The following FAM20C variants were observed in gnomAD, a reference collection of about 807,000 sequenced individuals.
FAM20C encodes the protein extracellular serine/threonine protein kinase FAM20C.
Under a neutral mutation model 51.5 loss-of-function variants are expected in FAM20C, and 40 were observed. That is an observed-to-expected ratio of 0.78 (90% CI 0.60 to 1.01). The LOEUF is 1.01. FAM20C is among the 50% of genes least tolerant of loss of function. The pLI is 0.00. For missense variants in FAM20C, 861 were observed against 844.7 expected (o/e 1.02, Z -0.24); for synonymous variants, 406 against 380.6 (o/e 1.07, Z -0.78).
chr7:246,738 C>T (rs776570018), intron 4 of FAM20C, among the ~76,000 whole-genome samples: 1 of 151,568 alleles, frequency 6.6e-6, no homozygotes, highest in South Asian at 2.1e-4. Context: ...CCCCCCACCC[C>T]GAGTGCTGCC....
At chr7:202,885 T>A (rs1032573091) in intron 2 of FAM20C, among the ~76,000 whole-genome samples, 7 of 152,222 alleles carry the variant, frequency 4.6e-5, no homozygotes, top group Middle Eastern at 3.2e-3. Context: ...ACGGGACCTG[T>A]TTCCAGAAGA....
chr7:201,926 G>A (rs191995917), intron 2 of FAM20C, among the ~76,000 whole-genome samples: 2 of 152,348 alleles, frequency 1.3e-5, no homozygotes, highest in Admixed American at 1.3e-4. Flanking sequence ...TGTAACTAGT[G>A]CACGTTAATC....
intron 3 of FAM20C, among the ~76,000 whole-genome samples, chr7:242,509 C>G (rs1224413825): frequency 6.6e-6 from 1 of 151,474 alleles, no homozygotes; most frequent in Non-Finnish European, 1.5e-5. Flanking sequence ...CAGCACTGTT[C>G]GGTGCACTGG....
At chr7:218,923 C>T (rs1349190722) in intron 3 of FAM20C, among the ~76,000 whole-genome samples, 1 of 151,976 alleles carries the variant, frequency 6.6e-6, no homozygotes, top group Non-Finnish European at 1.5e-5. Context: ...CACTCCCGTC[C>T]GGCCGGGAGC....
rs771341264 is a variant in FAM20C at position 243,944 on chromosome 7, A to AATAATAATT, written c.864-2469_864-2468insAATAATTAT. On this transcript the variant is annotated intron_variant, in intron 3 of 9. Transcript: ENST00000313766. ...AAATAATAATAATAATAATAATAATAATTATTATTATTATTATTTGGAGAC... is the reference window on the plus strand; with the variant it reads ...AAATAATAATAATAATAATAATAATAATAATAATTATTATTATTATTATTATTTGGAGAC... 2.0e-3 allele frequency among the ~76,000 whole-genome samples: 272 copies of AATAATAATT among 136,832 alleles called. 1 individual carries two copies. The highest frequency in any genetic ancestry group is 0.014 in the Middle Eastern group (4 of 276). 89.8% of individuals were successfully genotyped at this position (136,832 alleles called of 152,430 possible).
intron 3 of FAM20C, among the ~76,000 whole-genome samples, chr7:227,123 A>T (rs1787477821): frequency 6.7e-6 from 1 of 149,370 alleles, no homozygotes; most frequent in Non-Finnish European, 1.5e-5. Context: ...AAGGAAAGTC[A>T]TTTTTTTTTT....
intron 2 of FAM20C, among the ~76,000 whole-genome samples, chr7:195,987 C>T (rs1047580080): frequency 4.6e-5 from 7 of 152,230 alleles, no homozygotes; most frequent in Admixed American, 3.3e-4. Context: ...CTGCGCTCTG[C>T]GTCCTCACCT....
intron 3 of FAM20C, chr7:228,780 C>T (rs73252880): frequency 0.016 from 7,441 of 456,218 alleles, 253 homozygotes; most frequent in African/African-American, 0.086. Context: ...CCACGACTCT[C>T]ACGGCTCCTG....
chr7:230,371 G>A (rs1338934122), intron 3 of FAM20C, among the ~76,000 whole-genome samples: 1 of 95,998 alleles, frequency 1.0e-5, no homozygotes, highest in Non-Finnish European at 2.4e-5. Context: ...CCAGGACGGG[G>A]TGGGGGGGGG....
Position 258,997 on chromosome 7 carries a change from G to T in FAM20C, c.1505+292G>T, listed in dbSNP as rs904954556. Among the ~76,000 whole-genome samples, 39 of 152,354 alleles carry T rather than the reference G, an allele frequency of 2.6e-4. 2 individuals carry two copies. The highest frequency in any genetic ancestry group is 3.4e-3 in the Middle Eastern group (1 of 294). ...GAGCTCGAGGCCAGGGCAGACGCCA[G>T]CTGAGACACAGGGACCCTGCTCCCG... On this transcript the variant is annotated intron_variant, in intron 9 of 9. Transcript: ENST00000313766.
At chr7:200,971 G>A (rs185987100) in intron 2 of FAM20C, among the ~76,000 whole-genome samples, 24 of 152,308 alleles carry the variant, frequency 1.6e-4, no homozygotes, top group Non-Finnish European at 2.6e-4. Flanking sequence ...CAGGTCCCTC[G>A]GTGCCCAGGG....
intron 3 of FAM20C, among the ~76,000 whole-genome samples, chr7:212,768 T>G (rs1786782297): frequency 6.6e-6 from 1 of 152,194 alleles, no homozygotes; most frequent in African/African-American, 2.4e-5. Flanking sequence ...TAGGGTTACG[T>G]TAAGATATTT....
chr7:253,539 C>T (rs1464995782), intron 5 of FAM20C, among the ~76,000 whole-genome samples: 1 of 138,880 alleles, frequency 7.2e-6, no homozygotes, highest in Non-Finnish European at 1.6e-5. Flanking sequence ...CACGCTCCTT[C>T]CTCCCAGAAA....
chr7:260,064 T>C lies in FAM20C; in HGVS notation c.*84T>C, dbSNP rs1380197206. The C allele has an allele frequency of 7.0e-7, 1 of 1,420,476 alleles. No homozygotes were observed. The highest frequency in any genetic ancestry group is 9.2e-7 in the Non-Finnish European group (1 of 1,085,286). 88.0% of individuals were successfully genotyped at this position (1,420,476 alleles called of 1,614,324 possible). A position where few individuals can be genotyped will look rare whatever the true frequency, so the allele number is the denominator to read the frequency against. On this transcript the variant is annotated 3_prime_UTR_variant, in exon 10 of 10. Coordinates refer to ENST00000313766, the MANE Select transcript of FAM20C (RefSeq NM_020223.4). ...GCGCATGCGCCCGTCGTGAATTCAG[T>C]GAATTCAGAGGCAGGACGGGATCAT...
chr7:231,335 A>T (rs1787666268), intron 3 of FAM20C, among the ~76,000 whole-genome samples: 1 of 151,838 alleles, frequency 6.6e-6, no homozygotes, highest in Admixed American at 6.6e-5. Context: ...GGTGAATGAC[A>T]CGCATCAGTG....
intron 3 of FAM20C, among the ~76,000 whole-genome samples, chr7:216,752 T>G (rs1787003089): frequency 6.6e-6 from 1 of 151,688 alleles, no homozygotes; most frequent in African/African-American, 2.4e-5. Context: ...AAAGAGACTG[T>G]CTGCAAACAG....
At chr7:203,221 C>G (rs188427316) in intron 2 of FAM20C, among the ~76,000 whole-genome samples, 12 of 152,344 alleles carry the variant, frequency 7.9e-5, no homozygotes, top group African/African-American at 2.6e-4. Flanking sequence ...TGACCCCTGT[C>G]CACTGGAGGC....
At chr7:200,512 G>A (rs1169141571) in intron 2 of FAM20C, among the ~76,000 whole-genome samples, 1 of 152,214 alleles carries the variant, frequency 6.6e-6, no homozygotes, top group Non-Finnish European at 1.5e-5. Context: ...GGGCCACCCA[G>A]GCACCGGCCT....
chr7:256,625 G>GC (rs1021783703), intron 6 of FAM20C, 29 bp from the exon 7 acceptor site: 216 of 1,516,904 alleles, frequency 1.4e-4, no homozygotes, highest in Non-Finnish European at 1.8e-4. Context: ...TCTGGCCTGG[G>GC]CCCCCCGTCT....
Sources: allele counts gnomAD v4.1 joint callset (sites outside exome capture counted in the v4.1 genomes callset), GRCh38; gene constraint gnomAD v4.1.1; transcripts MANE v1.5; gene names NCBI Gene and HGNC (gene_info 2026-07-23, HGNC 2026-07-21).